The following SEL1L3 variants were observed in gnomAD, a reference collection of about 807,000 sequenced individuals.
SEL1L3 encodes SEL1L family member 3, also known as protein sel-1 homolog 3.
Under a neutral mutation model 142.8 loss-of-function variants are expected in SEL1L3, and 76 were observed. The ratio of observed to expected loss-of-function variants is 0.53; its 90% CI spans 0.44 to 0.64. The LOEUF (loss-of-function observed/expected upper bound fraction) is 0.64, where lower values mean the gene tolerates loss of function less well. SEL1L3 is among the 30% of genes least tolerant of loss of function. The pLI, the probability that SEL1L3 is intolerant of heterozygous loss-of-function variation, is 0.00. For missense variants in SEL1L3, 1,262 were observed against 1,381.7 expected, an observed-to-expected ratio of 0.91 and a Z score of 1.37; for synonymous variants, 504 against 519.6, an observed-to-expected ratio of 0.97 and a Z score of 0.41.
intron 5 of SEL1L3, among the ~76,000 whole-genome samples, chr4:25,830,369 A>G (rs918875374): frequency 3.9e-5 from 6 of 152,252 alleles, no homozygotes; most frequent in African/African-American, 1.4e-4. Context: ...GATTAAAAAT[A>G]TCTACAATGC....
chr4:25,858,954 C>T (rs1360916583), intron 1 of SEL1L3, among the ~76,000 whole-genome samples: 3 of 152,156 alleles, frequency 2.0e-5, no homozygotes, highest in South Asian at 4.1e-4. Context: ...CTATCCACTC[C>T]GAACATTTCA....
At chr4:25,735,983 C>T in the SEL1L3 span, among the ~76,000 whole-genome samples, 1 of 151,664 alleles carries the variant, frequency 6.6e-6, no homozygotes, top group South Asian at 2.1e-4. Context: ...GCGCCCGCCA[C>T]CACGCCTGGC....
chr4:25,819,821 C>T lies in SEL1L3; in HGVS notation c.1410G>A (p.Glu470=). ...VYASAAKHGG[E]RQEACHLHNS... ...CTCAACACTTACATGCTTCTTGTCT[C>T]TCGCCCCCGTGCTTTGCTGCAGATG... Residue 470 remains glutamate, a synonymous_variant, in exon 8 of 24, where the codon GAG becomes GAA. Transcript: ENST00000399878. The T allele has an allele frequency of 1.9e-6, 3 of 1,611,852 alleles. No homozygotes were observed. The highest frequency in any genetic ancestry group is 1.7e-4 in the Middle Eastern group (1 of 6,058).
intron 2 of SEL1L3, among the ~76,000 whole-genome samples, chr4:25,843,704 T>C (rs2109303583): frequency 1.3e-5 from 2 of 152,370 alleles, no homozygotes; most frequent in South Asian, 4.1e-4. Context: ...CGGGGGCATG[T>C]GGCCGAGTCG....
At chr4:25,744,782 A>G (rs1717212288), downstream of SEL1L3, among the ~76,000 whole-genome samples, 1 of 152,204 alleles carries the variant, frequency 6.6e-6, no homozygotes, top group Non-Finnish European at 1.5e-5. Flanking sequence ...CCTTATGAGA[A>G]AAGACTAAGA....
intron 13 of SEL1L3, among the ~76,000 whole-genome samples, chr4:25,787,799 C>A (rs1442976548): frequency 2.6e-5 from 4 of 152,178 alleles, no homozygotes; most frequent in African/African-American, 9.7e-5. Flanking sequence ...CCACCCCTCT[C>A]CTGTTGGCTT....
intron 2 of SEL1L3, among the ~76,000 whole-genome samples, chr4:25,843,223 G>A (rs1023080494): frequency 6.0e-5 from 9 of 151,172 alleles, no homozygotes; most frequent in African/African-American, 2.2e-4. Context: ...ATTATGGGAG[G>A]AACTGGGGGG....
At chr4:25,733,268 C>G in the SEL1L3 span, among the ~76,000 whole-genome samples, 1 of 152,020 alleles carries the variant, frequency 6.6e-6, no homozygotes, top group South Asian at 2.1e-4. Flanking sequence ...TGATATATCT[C>G]CATTTTATTT....
At chr4:25,840,381 C>A (rs1470730260) in intron 2 of SEL1L3, among the ~76,000 whole-genome samples, 3 of 152,068 alleles carry the variant, frequency 2.0e-5, no homozygotes, top group Non-Finnish European at 4.4e-5. Flanking sequence ...AATAGTCCTG[C>A]TGCATAAACC....
rs1717979292 is a variant in SEL1L3 at position 25,756,611 on chromosome 4, G to C, written c.3259+923C>G. ...ACTTGCCATGAGTCATACAGCTAAT[G>C]AGTAGCCAAGCCTGGACTCTAAGCC... On this transcript the variant is annotated intron_variant, in intron 23 of 23. Coordinates refer to ENST00000399878, the MANE Select transcript of SEL1L3 (RefSeq NM_015187.5). 4.2e-6 allele frequency: 4 copies of C among 953,932 alleles called. No individual in the cohort carries two copies. In the Admixed American group the frequency reaches 1.7e-4, roughly 41 times the overall value. 59.1% of individuals were successfully genotyped at this position (953,932 alleles called of 1,614,324 possible).
chr4:25,760,398 T>C (rs1718294812), intron 20 of SEL1L3, among the ~76,000 whole-genome samples: 1 of 152,222 alleles, frequency 6.6e-6, no homozygotes, highest in Admixed American at 6.5e-5. Context: ...GCATGTGTCT[T>C]CATAACAGAA....
rs143172106 is a variant in SEL1L3, at chr4:25,756,146, C to T, written c.3259+1388G>A. The stretch of plus-strand genomic sequence containing the variant: ...TTATCTGCTACAGAAATAACAGCTA[C>T]GCAAATGCTCCAATGCCATGTCCAG... On this transcript the variant is annotated intron_variant, in intron 23 of 23. Coordinates refer to ENST00000399878, the MANE Select transcript of SEL1L3 (RefSeq NM_015187.5). 790 of 985,414 alleles carry T rather than the reference C, an allele frequency of 8.0e-4. 7 individuals are homozygous for T. In the African/African-American group the frequency reaches 0.012, roughly 15 times the overall value. The allele number at this position is 985,414 out of a possible 1,614,324, so 61.0% of individuals were successfully genotyped here. A position where few individuals can be genotyped will look rare whatever the true frequency, so the allele number is the denominator to read the frequency against.
Position 25,782,359 on chromosome 4 carries a change from G to A in SEL1L3, c.2340C>T (p.Tyr780=), listed in dbSNP as rs761329289. The part of the protein sequence containing the change: ...GWYYHKFKKN[Y]AKAAKYWLKA... ...TTAACCAGTACTTTGCTGCTTTGGC[G>A]TAATTTTTCTTGAATTTGTGGTAAT... Residue 780 remains tyrosine, a synonymous_variant, in exon 15 of 24, where the codon TAC becomes TAT. Transcript: ENST00000399878. The A allele has an allele frequency of 7.0e-5, 113 of 1,613,674 alleles. No individual in the cohort carries two copies. Among genetic ancestry groups the A allele is most frequent in the East Asian group, 6.2e-4 (28 of 44,890 alleles).
chr4:25,749,134 G>A (rs915200535), intron 23 of SEL1L3, among the ~76,000 whole-genome samples: 1 of 152,226 alleles, frequency 6.6e-6, no homozygotes, highest in African/African-American at 2.4e-5. Context: ...CTTGGGATAG[G>A]TACAGATGGC....
At chr4:25,794,369 A>G (rs1056610456) in intron 11 of SEL1L3, among the ~76,000 whole-genome samples, 3 of 152,252 alleles carry the variant, frequency 2.0e-5, no homozygotes, top group Non-Finnish European at 2.9e-5. Flanking sequence ...GGCAAAGGAC[A>G]TGAACAGACA....
At chr4:25,737,403 G>T in the SEL1L3 span, among the ~76,000 whole-genome samples, 2 of 152,106 alleles carry the variant, frequency 1.3e-5, no homozygotes, top group African/African-American at 4.8e-5. Context: ...TTTCTAGGTG[G>T]CTGCCATCTT....
At chr4:25,743,219 CAATT>C (rs1262194700), downstream of SEL1L3, among the ~76,000 whole-genome samples, 1 of 152,106 alleles carries the variant, frequency 6.6e-6, no homozygotes, top group Non-Finnish European at 1.5e-5. Flanking sequence ...ACAATGTTAG[CAATT>C]AATTGAAAAA....
intron 11 of SEL1L3, among the ~76,000 whole-genome samples, chr4:25,795,418 C>A (rs1299519843): frequency 2.6e-5 from 4 of 152,124 alleles, no homozygotes; most frequent in Non-Finnish European, 5.9e-5. Context: ...GGATGAAGAT[C>A]TAAGAGAATT....
chr4:25,714,835 G>A, the SEL1L3 span, among the ~76,000 whole-genome samples: 913 of 151,980 alleles, frequency 6.0e-3, 12 homozygotes, highest in African/African-American at 0.021. Flanking sequence ...GCCTCCCAAG[G>A]TGCTGAGATT....
Sources: gnomAD v4.1 joint callset for allele counts (sites outside exome capture counted in the v4.1 genomes callset) on GRCh38, gnomAD v4.1.1 for gene constraint, MANE v1.5 for transcripts, NCBI Gene and HGNC (gene_info 2026-07-23, HGNC 2026-07-21) for gene names.